ANKS1B: variants seen among roughly 807,000 people sequenced by gnomAD.
ANKS1B encodes ankyrin repeat and sterile alpha motif domain containing 1B.
In ANKS1B, 36 loss-of-function variants were observed where a neutral mutation model predicts 148.3. The ratio of observed to expected loss-of-function variants is 0.24; its 90% CI spans 0.19 to 0.32. ANKS1B has a LOEUF of 0.32. Among genes scored for constraint, ANKS1B ranks in the 10% least tolerant of loss-of-function variants. ANKS1B has a pLI of 1.00. For synonymous variants in ANKS1B, 542 were observed against 560.8 expected (o/e 0.97, Z 0.47); for missense variants, 1,157 against 1,542.6 (o/e 0.75, Z 4.19).
At chr12:99,033,607 T>C (rs568297883) in intron 17 of ANKS1B, among the ~76,000 whole-genome samples, 189 of 151,838 alleles carry the variant, frequency 1.2e-3, no homozygotes, top group African/African-American at 4.4e-3. Flanking sequence ...GAGGTTGCAG[T>C]GAGCCAAGAT....
At chr12:99,358,385 A>G (rs1159015200) in intron 12 of ANKS1B, among the ~76,000 whole-genome samples, 1 of 152,052 alleles carries the variant, frequency 6.6e-6, no homozygotes, top group African/African-American at 2.4e-5. Flanking sequence ...TGTATAATTC[A>G]TTCTTCCCAT....
chr12:99,412,157 C>T (rs2094730994), intron 11 of ANKS1B, among the ~76,000 whole-genome samples: 1 of 151,836 alleles, frequency 6.6e-6, no homozygotes, highest in Non-Finnish European at 1.5e-5. Context: ...TCTGAGGATA[C>T]TGATTAGAGT....
intron 25 of ANKS1B, among the ~76,000 whole-genome samples, chr12:98,765,622 T>C (rs1436766232): frequency 6.6e-6 from 1 of 152,048 alleles, no homozygotes; most frequent in African/African-American, 2.4e-5. Context: ...AGTGGTGCGA[T>C]CTCTGCTCAC....
At chr12:99,806,279 A>C in intron 4 of ANKS1B, 125 bp downstream of exon 4, 2 of 1,178,366 alleles carry the variant, frequency 1.7e-6, no homozygotes, top group Non-Finnish European at 2.4e-6. Flanking sequence ...CCTTGAACTC[A>C]GTAGTTACAA....
At chr12:99,490,407 G>C (rs1416998023) in intron 10 of ANKS1B, among the ~76,000 whole-genome samples, 1 of 152,210 alleles carries the variant, frequency 6.6e-6, no homozygotes, top group African/African-American at 2.4e-5. Flanking sequence ...GATGATAAAT[G>C]TGATGAAATC....
chr12:99,895,926 T>A (rs900408120), intron 1 of ANKS1B, among the ~76,000 whole-genome samples: 4 of 151,400 alleles, frequency 2.6e-5, no homozygotes, highest in South Asian at 2.1e-4. Context: ...GATTTTTGGA[T>A]AAGTTTTTTT....
At chr12:99,137,588 A>G (rs2068578855) in intron 15 of ANKS1B, among the ~76,000 whole-genome samples, 1 of 151,752 alleles carries the variant, frequency 6.6e-6, no homozygotes, top group South Asian at 2.1e-4. Flanking sequence ...GCAGAATAAA[A>G]ATGGACTTTT....
chr12:99,334,202 A>G (rs1357684260), intron 12 of ANKS1B, among the ~76,000 whole-genome samples: 1 of 151,892 alleles, frequency 6.6e-6, no homozygotes. Flanking sequence ...ACATAGATAC[A>G]TAGATACATA....
chr12:98,909,031 G>A (rs545664625), intron 17 of ANKS1B, among the ~76,000 whole-genome samples: 18 of 152,278 alleles, frequency 1.2e-4, no homozygotes, highest in African/African-American at 2.9e-4. Context: ...TCACATCCAC[G>A]TTGGCACAAG....
intron 1 of ANKS1B, among the ~76,000 whole-genome samples, chr12:99,953,376 G>A (rs554369046): frequency 2.6e-5 from 4 of 152,168 alleles, no homozygotes; most frequent in Non-Finnish European, 5.9e-5. Context: ...TGGTGATTAG[G>A]AAGATGATGG....
intron 25 of ANKS1B, among the ~76,000 whole-genome samples, chr12:98,762,481 C>T (rs2098422933): frequency 6.6e-6 from 1 of 152,228 alleles, no homozygotes; most frequent in Non-Finnish European, 1.5e-5. Flanking sequence ...CACCAACGGG[C>T]TGCCCTTCAT....
chr12:99,380,407 T>C (rs1208213124), intron 12 of ANKS1B, among the ~76,000 whole-genome samples: 2 of 137,258 alleles, frequency 1.5e-5, no homozygotes, highest in Non-Finnish European at 3.1e-5. Context: ...ATGCTTTTAA[T>C]TGCTTAATTT....
chr12:99,133,060 T>G (rs1360033971), intron 15 of ANKS1B, among the ~76,000 whole-genome samples: 3 of 150,916 alleles, frequency 2.0e-5, no homozygotes, highest in South Asian at 2.1e-4. Context: ...TTCTTTCTTT[T>G]TTTTTTTTTG....
intron 9 of ANKS1B, among the ~76,000 whole-genome samples, chr12:99,654,494 A>G (rs564669890): frequency 7.2e-5 from 11 of 152,228 alleles, no homozygotes; most frequent in Non-Finnish European, 1.5e-4. Flanking sequence ...CTAAGAGTGT[A>G]TGGTTCACAA....
chr12:99,833,409 C>A (rs1179579966), intron 1 of ANKS1B, among the ~76,000 whole-genome samples: 11 of 152,046 alleles, frequency 7.2e-5, no homozygotes, highest in Non-Finnish European at 1.5e-5. Context: ...GCAATTTGAA[C>A]AAATGCAGAT....
intron 8 of ANKS1B, among the ~76,000 whole-genome samples, chr12:99,677,834 G>A (rs748154089): frequency 4.6e-5 from 7 of 152,086 alleles, no homozygotes; most frequent in East Asian, 1.9e-4. Context: ...TTAGCCGGGC[G>A]TGGTGGCACG....
chr12:99,560,898 G>A (rs12310736), intron 9 of ANKS1B, among the ~76,000 whole-genome samples: 1 of 129,672 alleles, frequency 7.7e-6, no homozygotes, highest in Non-Finnish European at 1.5e-5. Flanking sequence ...TCAGGCTGTA[G>A]TACAGTGGTG....
chr12:98,782,234 G>T, intron 22 of ANKS1B, 97 bp from the exon 23 acceptor site: 1 of 1,055,592 alleles, frequency 9.5e-7, no homozygotes, highest in Non-Finnish European at 1.4e-6. Context: ...TTCACCAACA[G>T]TGTAAATTCA....
intron 9 of ANKS1B, among the ~76,000 whole-genome samples, chr12:99,592,182 G>C (rs1056634331): frequency 6.6e-6 from 1 of 151,902 alleles, no homozygotes; most frequent in South Asian, 2.1e-4. Context: ...TTTTAGTTCT[G>C]TTCATTTTAG....
Sources: allele counts gnomAD v4.1 joint callset (sites outside exome capture counted in the v4.1 genomes callset), GRCh38; gene constraint gnomAD v4.1.1; transcripts MANE v1.5; gene names NCBI Gene and HGNC (gene_info 2026-07-23, HGNC 2026-07-21).